The following TSHZ1 variants were observed in gnomAD, a reference collection of about 807,000 sequenced individuals.
The protein encoded by TSHZ1 is teashirt homolog 1.
Under a neutral mutation model 67.1 loss-of-function variants are expected in TSHZ1, and 12 were observed. That is an observed-to-expected ratio of 0.18 (90% CI 0.11 to 0.29). The LOEUF (loss-of-function observed/expected upper bound fraction) is 0.29, where lower values mean the gene tolerates loss of function less well. Among genes scored for constraint, TSHZ1 ranks in the 10% least tolerant of loss-of-function variants. TSHZ1 has a pLI of 1.00. For missense variants in TSHZ1, 1,305 were observed against 1,413.9 expected (o/e 0.92, Z 1.23); for synonymous variants, 632 against 622.4 (o/e 1.02, Z -0.23).
At chr18:75,221,052 C>T (rs1445095052) in intron 1 of TSHZ1, 2 of 152,156 alleles carry the variant, frequency 1.3e-5, no homozygotes, top group African/African-American at 2.4e-5. Flanking sequence ...CTCTGCCTCC[C>T]AGCAGAGCCC....
chr18:75,249,549 C>T lies in TSHZ1; in HGVS notation c.41-35899C>T, dbSNP rs142684741. Among the ~76,000 whole-genome samples, 365 of 151,912 alleles carry T rather than the reference C, an allele frequency of 2.4e-3. 1 individual carries two copies. The highest frequency in any genetic ancestry group is 3.7e-3 in the Non-Finnish European group (250 of 67,880). Reference sequence around the variant, plus strand: ...AGTAGGTAGGGGCAGGTGACCTCCTCGCCATCTCACCCCTATAGTAGGTGG... The same window carrying T: ...AGTAGGTAGGGGCAGGTGACCTCCTTGCCATCTCACCCCTATAGTAGGTGG... On this transcript the variant is annotated intron_variant, in intron 1 of 1. Coordinates refer to ENST00000580243, the MANE Select transcript of TSHZ1 (RefSeq NM_001308210.2).
rs1022419673 is a variant in TSHZ1 at position 75,259,082 on chromosome 18, A to G, written c.41-26366A>G. On this transcript the variant is annotated intron_variant, in intron 1 of 1. Coordinates refer to ENST00000580243, the MANE Select transcript of TSHZ1 (RefSeq NM_001308210.2). ...CTGTTTCTGTTTTCCTCACCTTTCTATGTGCCCACATAGGTCTATGAAAAC... is the reference window on the plus strand; with the variant it reads ...CTGTTTCTGTTTTCCTCACCTTTCTGTGTGCCCACATAGGTCTATGAAAAC... Among the ~76,000 whole-genome samples the G allele has an allele frequency of 2.6e-5, 4 of 152,146 alleles. 1 individual carries two copies. Among genetic ancestry groups the G allele is most frequent in the Admixed American group, 2.0e-4 (3 of 15,286 alleles).
intron 1 of TSHZ1, among the ~76,000 whole-genome samples, chr18:75,216,326 T>TA (rs2122511903): frequency 6.6e-6 from 1 of 152,328 alleles, no homozygotes; most frequent in East Asian, 1.9e-4. Flanking sequence ...ACTTCAAAAT[T>TA]ACTCTTTAAA....
At chr18:75,213,312 T>C (rs537250773) in intron 1 of TSHZ1, among the ~76,000 whole-genome samples, 1 of 152,336 alleles carries the variant, frequency 6.6e-6, no homozygotes, top group East Asian at 1.9e-4. Flanking sequence ...ATGGAGAATA[T>C]TTATTTTGGA....
At chr18:75,217,392 TC>T (rs2022784378) in intron 1 of TSHZ1, among the ~76,000 whole-genome samples, 1 of 152,186 alleles carries the variant, frequency 6.6e-6, no homozygotes, top group South Asian at 2.1e-4. Context: ...GTTTTTTTTT[TC>T]TACTTTCTGT....
chr18:75,222,824 G>C (rs148087852), intron 1 of TSHZ1, among the ~76,000 whole-genome samples: 102 of 152,284 alleles, frequency 6.7e-4, no homozygotes, highest in African/African-American at 2.1e-3. Context: ...TCTGAAAGTA[G>C]GATCTTGTTG....
Position 75,286,776 on chromosome 18 carries a change from C to T in TSHZ1, c.1369C>T (p.Leu457=), listed in dbSNP as rs201275095. The change falls in exon 2 of 2, where the codon CTG becomes TTG. Residue 457 remains leucine (L), a synonymous_variant. Coordinates refer to ENST00000580243, the MANE Select transcript of TSHZ1 (RefSeq NM_001308210.2). The surrounding 1 kb of genome is among the most constrained non-coding windows in gnomAD (Gnocchi z 5.1). The part of the protein sequence containing the change: ...SASKKGKQLV[L]DPVVEEKIQS... The stretch of plus-strand genomic sequence containing the variant: ...TTCTAAGAAGGGCAAGCAGTTGGTG[C>T]TGGACCCTGTGGTGGAAGAGAAGAT... 3 of 1,613,624 alleles carry T rather than the reference C, an allele frequency of 1.9e-6. No individual in the cohort carries two copies. The highest frequency in any genetic ancestry group is 1.3e-5 in the African/African-American group (1 of 75,062).
At chr18:75,283,087 A>T (rs1462871696) in intron 1 of TSHZ1, 1 of 152,332 alleles carries the variant, frequency 6.6e-6, no homozygotes, top group Non-Finnish European at 1.5e-5. Flanking sequence ...GGCCTCCCGC[A>T]CACAGTGGGA....
intron 1 of TSHZ1, among the ~76,000 whole-genome samples, chr18:75,220,233 T>A (rs539830930): frequency 2.6e-5 from 4 of 152,304 alleles, no homozygotes; most frequent in African/African-American, 9.6e-5. Context: ...AAAATATTAA[T>A]TTTTTTGCGT....
intron 1 of TSHZ1, among the ~76,000 whole-genome samples, chr18:75,276,955 T>A (rs1157542994): frequency 6.6e-6 from 1 of 152,238 alleles, no homozygotes; most frequent in African/African-American, 2.4e-5. Flanking sequence ...CTCATGGCTG[T>A]CATTTGTGTC....
In TSHZ1 at chr18:75,281,692, T is replaced by C. The variant is rs138879637; in HGVS notation, c.41-3756T>C. ...GAGGCAGACCTGGGGATGCGGCAGC[T>C]CAGAACGGGGAGCGGGTAGCGGTCA... On this transcript the variant is annotated intron_variant, in intron 1 of 1. Coordinates refer to ENST00000580243, the MANE Select transcript of TSHZ1 (RefSeq NM_001308210.2). This position sits in a 1 kb window ranked among gnomAD's most constrained non-coding sequence, Gnocchi z 5.3. 1.3e-5 allele frequency among the ~76,000 whole-genome samples: 2 copies of C among 151,952 alleles called. No homozygotes were observed. The highest frequency in any genetic ancestry group is 4.8e-5 in the African/African-American group (2 of 41,436).
intron 1 of TSHZ1, among the ~76,000 whole-genome samples, chr18:75,266,306 T>G (rs570219933): frequency 1.3e-5 from 2 of 152,348 alleles, no homozygotes; most frequent in African/African-American, 4.8e-5. Context: ...GGAAAGCCTC[T>G]GACTTCAATG....
chr18:75,262,176 T>G (rs1308882747), intron 1 of TSHZ1, among the ~76,000 whole-genome samples: 1 of 152,198 alleles, frequency 6.6e-6, no homozygotes, highest in Non-Finnish European at 1.5e-5. Context: ...TCCTGATTTC[T>G]CAGAAAGCAT....
intron 1 of TSHZ1, among the ~76,000 whole-genome samples, chr18:75,271,699 C>T (rs964767652): frequency 1.3e-5 from 2 of 151,878 alleles, no homozygotes; most frequent in African/African-American, 2.4e-5. Flanking sequence ...GTTTCCTCTT[C>T]CCCCTCTTCT....
intron 1 of TSHZ1, among the ~76,000 whole-genome samples, chr18:75,250,436 C>T (rs900615242): frequency 2.0e-5 from 3 of 152,232 alleles, no homozygotes; most frequent in Non-Finnish European, 4.4e-5. Context: ...GGCAGGCGGC[C>T]TGTCCTCCCT....
intron 1 of TSHZ1, chr18:75,284,180 G>A (rs1251648103): frequency 2.0e-5 from 3 of 152,638 alleles, no homozygotes; most frequent in Non-Finnish European, 2.9e-5. Context: ...AGGAAGGTGT[G>A]TTGCATAGTG....
chr18:75,213,163 A>T (rs1346680793), intron 1 of TSHZ1, among the ~76,000 whole-genome samples: 2 of 152,224 alleles, frequency 1.3e-5, no homozygotes, highest in Non-Finnish European at 2.9e-5. Flanking sequence ...CTACTAAAAA[A>T]ATTTGGGAAT....
At position 75,289,894 on chromosome 18, in the gene TSHZ1, A is replaced by C. The variant is rs2023838265; in HGVS notation, c.*1253A>C. On this transcript the variant is annotated 3_prime_UTR_variant, in exon 2 of 2. Coordinates refer to ENST00000580243, the MANE Select transcript of TSHZ1 (RefSeq NM_001308210.2). ...AGTACATTTTGGTTCACACAATTAA[A>C]TCCACTGTTTTCTCAGATGTAAAAT... The C allele has an allele frequency of 6.0e-6, 1 of 167,084 alleles. No homozygotes were observed. Among genetic ancestry groups the C allele is most frequent in the Non-Finnish European group, 1.5e-5 (1 of 68,104 alleles). 10.4% of individuals were successfully genotyped at this position (167,084 alleles called of 1,614,324 possible).
At chr18:75,233,274 G>A (rs956623799) in intron 1 of TSHZ1, among the ~76,000 whole-genome samples, 2 of 152,186 alleles carry the variant, frequency 1.3e-5, no homozygotes, top group African/African-American at 4.8e-5. Context: ...ATATTCTCAT[G>A]AGTCTTATAA....
Sources: allele counts gnomAD v4.1 joint callset (sites outside exome capture counted in the v4.1 genomes callset), GRCh38; gene constraint gnomAD v4.1.1; non-coding constraint Gnocchi (gnomAD v3.1); transcripts MANE v1.5; gene names NCBI Gene and HGNC (gene_info 2026-07-23, HGNC 2026-07-21).